MYO10: variants seen among roughly 807,000 people sequenced by gnomAD.
MYO10 encodes myosin X, also known as unconventional myosin-X.
In MYO10, 133 loss-of-function variants were observed where a neutral mutation model predicts 257.3. The observed-to-expected ratio is 0.52, with a 90% CI of 0.45 to 0.60. MYO10 has a LOEUF of 0.60. Among genes scored for constraint, MYO10 ranks in the 20% least tolerant of loss-of-function variants. The probability of loss-of-function intolerance (pLI) is 0.00; values close to 1 mark genes in which losing one functional copy is unlikely to be tolerated. For missense variants in MYO10, 2,399 were observed against 2,635.7 expected (o/e 0.91, Z 1.97); for synonymous variants, 1,104 against 1,028.6 (o/e 1.07, Z -1.40).
rs1737412475 is a variant in MYO10 at position 16,689,805 on chromosome 5, G to A, written c.3896+19C>T. On this transcript the variant is annotated intron_variant, in intron 28 of 40. Transcript: ENST00000513610. The stretch of plus-strand genomic sequence containing the variant: ...GGGAGCAGGATGTGGGTAACACAAA[G>A]TCAACAGCGCAGACTCACCTGGCAT... 1.3e-6 allele frequency: 2 copies of A among 1,586,968 alleles called. No homozygotes were observed. The highest frequency in any genetic ancestry group is 2.7e-5 in the African/African-American group (2 of 74,292).
At chr5:16,754,002 TTTACAATTTAATTACA>T (rs1740457175) in intron 19 of MYO10, among the ~76,000 whole-genome samples, 1 of 152,106 alleles carries the variant, frequency 6.6e-6, no homozygotes, top group South Asian at 2.1e-4. Context: ...ACAATTAAAT[TTTACAATTTAATTACA>T]TTACAATTAA....
At chr5:16,841,287 G>A (rs945936098) in intron 2 of MYO10, among the ~76,000 whole-genome samples, 1 of 152,172 alleles carries the variant, frequency 6.6e-6, no homozygotes, top group Non-Finnish European at 1.5e-5. Context: ...TTTTCATGGT[G>A]TGCTAGAAGA....
At chr5:16,861,210 A>AT (rs67883503) in intron 2 of MYO10, among the ~76,000 whole-genome samples, 32 of 145,284 alleles carry the variant, frequency 2.2e-4, no homozygotes, top group East Asian at 4.0e-4. Flanking sequence ...ACTAGGGAAC[A>AT]TTTTTTTTTT....
In MYO10 at chr5:16,676,116, G is replaced by C; in HGVS notation, c.4581C>G (p.Tyr1527Ter). 1 of 1,613,368 alleles carries C rather than the reference G, an allele frequency of 6.2e-7. No individual in the cohort carries two copies. Among genetic ancestry groups the C allele is most frequent in the Non-Finnish European group, 8.5e-7 (1 of 1,179,676 alleles). Residue 1527 changes from tyrosine to a stop codon, truncating the protein, a stop_gained, in exon 34 of 41, where the codon TAC becomes TAG. Transcript: ENST00000513610. LOFTEE classifies it high-confidence loss of function. The part of the protein sequence containing the change: ...CLNSDVVEQI[Y>*]KRNPILRYTH... ...TGTATCGAAGGATCGGGTTCCGCTT[G>C]TAAATCTGTTCCACCACATCCGAGT...
intron 28 of MYO10, among the ~76,000 whole-genome samples, chr5:16,686,179 A>G (rs1737245008): frequency 1.3e-5 from 2 of 152,202 alleles, no homozygotes; most frequent in African/African-American, 2.4e-5. Context: ...CAAAATACTT[A>G]TATCAAGGAT....
chr5:16,722,100 G>C (rs1284812969), intron 19 of MYO10, among the ~76,000 whole-genome samples: 5 of 152,124 alleles, frequency 3.3e-5, no homozygotes, highest in Admixed American at 1.3e-4. Context: ...ACCATCTGTT[G>C]AGCCTGATGG....
At chr5:16,801,942 A>T (rs1263739944) in intron 3 of MYO10, among the ~76,000 whole-genome samples, 1 of 152,250 alleles carries the variant, frequency 6.6e-6, no homozygotes, top group Non-Finnish European at 1.5e-5. Flanking sequence ...GGAATTATTC[A>T]GCCCTGAAAG....
In MYO10 at chr5:16,758,000, T is replaced by G. The variant is rs1367710364; in HGVS notation, c.1848+118A>C. On this transcript the variant is annotated intron_variant, in intron 18 of 40. Coordinates refer to ENST00000513610, the MANE Select transcript of MYO10 (RefSeq NM_012334.3). ...CACTATCTGGTTTAAAAGCATGATA[T>G]AAAAGGAAACAAAAATAAACAAATA... 2.5e-5 allele frequency: 20 copies of G among 802,424 alleles called. No homozygotes were observed. The Admixed American group carries it at 4.4e-4, about 18-fold the overall frequency. 49.7% of individuals were successfully genotyped at this position (802,424 alleles called of 1,614,324 possible). A position where few individuals can be genotyped will look rare whatever the true frequency, so the allele number is the denominator to read the frequency against.
At chr5:16,740,690 C>A (rs1473520369) in intron 19 of MYO10, among the ~76,000 whole-genome samples, 2 of 152,074 alleles carry the variant, frequency 1.3e-5, no homozygotes, top group African/African-American at 4.8e-5. Context: ...CCAGCCCTCT[C>A]GCAAGCAGCA....
At chr5:16,778,059 C>T (rs2126666075) in intron 9 of MYO10, among the ~76,000 whole-genome samples, 1 of 151,836 alleles carries the variant, frequency 6.6e-6, no homozygotes, top group Middle Eastern at 3.4e-3. Context: ...ACTATGTTGG[C>T]CAGGCTGGTC....
intron 19 of MYO10, among the ~76,000 whole-genome samples, chr5:16,725,557 T>A (rs1164693762): frequency 1.3e-5 from 2 of 152,184 alleles, no homozygotes; most frequent in Non-Finnish European, 2.9e-5. Context: ...TAAAATTAAG[T>A]GTGTGATATA....
chr5:16,822,973 C>T (rs1030178743), intron 2 of MYO10, among the ~76,000 whole-genome samples: 1 of 151,892 alleles, frequency 6.6e-6, no homozygotes, highest in Non-Finnish European at 1.5e-5. Flanking sequence ...AGGCGTGAGC[C>T]ACCGCACCCG....
At chr5:16,725,624 T>G (rs1272077371) in intron 19 of MYO10, among the ~76,000 whole-genome samples, 1 of 152,168 alleles carries the variant, frequency 6.6e-6, no homozygotes, top group African/African-American at 2.4e-5. Context: ...TCCACAACAC[T>G]CTACAATTTC....
Position 16,699,465 on chromosome 5 carries a change from A to G in MYO10, c.3541T>C (p.Phe1181Leu), listed in dbSNP as rs764198322. Residue 1181 changes from phenylalanine to leucine, a missense_variant, in exon 26 of 41, where the codon TTT (phenylalanine) becomes CTT (leucine). By Grantham distance (22) the Phe-to-Leu change is conservative. Transcript: ENST00000513610. Reference sequence around the variant, plus strand: ...GCAGTCATACCTTTCATGTACAGAAAGCTGTGGAAATACGGCAGAGTGACA... The same window carrying G: ...GCAGTCATACCTTTCATGTACAGAAGGCTGTGGAAATACGGCAGAGTGACA... Reference protein sequence around the residue: ...SCVTLPYFHSFLYMKGGLMNS... With the variant: ...SCVTLPYFHSLLYMKGGLMNS... 6.2e-7 allele frequency: 1 copy of G among 1,613,906 alleles called. No individual in the cohort carries two copies. Among genetic ancestry groups the G allele is most frequent in the East Asian group, 2.2e-5 (1 of 44,882 alleles).
In MYO10 at chr5:16,830,428, G is replaced by A. The variant is rs572465390; in HGVS notation, c.121-12261C>T. On this transcript the variant is annotated intron_variant, in intron 2 of 40. Coordinates refer to ENST00000513610, the MANE Select transcript of MYO10 (RefSeq NM_012334.3). ...AAAGAAAAGCATCCTTGTTGTTTTCGTTATGCTAAGATGTGTAATTAGAAC... is the reference window on the plus strand; with the variant it reads ...AAAGAAAAGCATCCTTGTTGTTTTCATTATGCTAAGATGTGTAATTAGAAC... 7.7e-4 allele frequency among the ~76,000 whole-genome samples: 117 copies of A among 151,538 alleles called. No homozygotes were observed. In the South Asian group the frequency reaches 0.024, roughly 31 times the overall value.
intron 2 of MYO10, among the ~76,000 whole-genome samples, chr5:16,842,924 A>G: frequency 6.8e-6 from 1 of 146,294 alleles, no homozygotes. Context: ...AAAAAGAAAA[A>G]GGAAAAAAAA....
intron 19 of MYO10, among the ~76,000 whole-genome samples, chr5:16,729,125 A>C (rs1364481263): frequency 6.6e-6 from 1 of 152,208 alleles, no homozygotes; most frequent in Admixed American, 6.5e-5. Context: ...GAAGGTACTA[A>C]GGTCAATTTT....
Position 16,930,559 on chromosome 5 carries a change from T to A in MYO10, c.21+5229A>T, listed in dbSNP as rs142416177. 2.3e-3 allele frequency among the ~76,000 whole-genome samples: 344 copies of A among 152,240 alleles called. 2 individuals carry two copies. The highest frequency in any genetic ancestry group is 0.018 in the East Asian group (94 of 5,178). ...AGAACAAAAAGCTCTAAGGTCGAGA[T>A]TTCCCTGCACCAGGAGTACTGACAT... On this transcript the variant is annotated intron_variant, in intron 1 of 40. Transcript: ENST00000513610.
intron 10 of MYO10, among the ~76,000 whole-genome samples, chr5:16,767,265 G>A (rs1740902032): frequency 6.6e-6 from 1 of 150,880 alleles, no homozygotes; most frequent in South Asian, 2.1e-4. Context: ...CCGCGTCCTG[G>A]GTTCAAGCGA....
Sources: allele counts gnomAD v4.1 joint callset (sites outside exome capture counted in the v4.1 genomes callset), GRCh38; gene constraint gnomAD v4.1.1; transcripts MANE v1.5; gene names NCBI Gene and HGNC (gene_info 2026-07-23, HGNC 2026-07-21).